ABCA3: variants seen among roughly 807,000 people sequenced by gnomAD.
ABCA3 encodes ATP binding cassette subfamily A member 3.
A neutral mutation model predicts 172.8 loss-of-function variants in ABCA3; 88 were observed. The ratio of observed to expected loss-of-function variants is 0.51; its 90% CI spans 0.43 to 0.61. The LOEUF (loss-of-function observed/expected upper bound fraction) is 0.61, where lower values mean the gene tolerates loss of function less well. Ranked by LOEUF, ABCA3 falls within the 20% of genes least tolerant of loss-of-function variation. ABCA3 has a pLI of 0.00. For synonymous variants in ABCA3, 1,066 were observed against 983.8 expected (o/e 1.08, Z -1.56); for missense variants, 2,164 against 2,301.0 (o/e 0.94, Z 1.22).
chr16:2,300,349 C>T (rs1231349137), intron 12 of ABCA3, among the ~76,000 whole-genome samples: 1 of 151,994 alleles, frequency 6.6e-6, no homozygotes, highest in Non-Finnish European at 1.5e-5. Flanking sequence ...CCTCAGTTTC[C>T]TAACCTGGTA....
rs773167516 is a variant in ABCA3, at chr16:2,317,275, G to T, written c.1111+8C>A. On this transcript the variant is annotated splice_region_variant and intron_variant, in intron 10 of 32. Transcript: ENST00000301732. ...GCAACCCCACTCTGCCCCATGACTG[G>T]GGCTCACCTTTGCTGAAGAAGGTGC... 3 of 1,613,850 alleles carry T rather than the reference G, an allele frequency of 1.9e-6. No individual in the cohort carries two copies. Among genetic ancestry groups the T allele is most frequent in the South Asian group, 2.2e-5 (2 of 91,054 alleles).
intron 1 of ABCA3, among the ~76,000 whole-genome samples, chr16:2,335,380 T>C (rs973401134): frequency 6.6e-6 from 1 of 151,770 alleles, no homozygotes; most frequent in Non-Finnish European, 1.5e-5. Context: ...AATGCAGTGG[T>C]GTGATCCTCC....
chr16:2,326,392 C>T, intron 4 of ABCA3, 21 bp downstream of exon 4: 2 of 1,612,742 alleles, frequency 1.2e-6, no homozygotes, highest in African/African-American at 2.7e-5. Context: ...CAGCTGACCT[C>T]CCTCCAGAGT....
chr16:2,332,695 G>A (rs1341768595), intron 1 of ABCA3: 10 of 1,565,862 alleles, frequency 6.4e-6, no homozygotes, highest in Non-Finnish European at 8.7e-6. Flanking sequence ...TGCCACAGCT[G>A]TGGCTGTCTT....
chr16:2,309,783 C>G (rs1276125200), intron 10 of ABCA3, among the ~76,000 whole-genome samples: 1 of 152,108 alleles, frequency 6.6e-6, no homozygotes, highest in African/African-American at 2.4e-5. Flanking sequence ...CCATGCCTAG[C>G]TAATTTTTAA....
At position 2,288,206 on chromosome 16, in the gene ABCA3, G is replaced by A. The variant is rs2093666110; in HGVS notation, c.2824C>T (p.Leu942=). The change falls in exon 21 of 33, where the codon CTG becomes TTG. Residue 942 remains leucine, a synonymous_variant. Coordinates refer to ENST00000301732, the MANE Select transcript of ABCA3 (RefSeq NM_001089.3). ...VPLTCVTLAL[L]AINYSSELFD... The stretch of plus-strand genomic sequence containing the variant: ...AGCTCCGAGGAGTAGTTGATGGCCA[G>A]GAGGGCCAGGGTGACGCAGGTCAGA... The A allele has an allele frequency of 1.9e-6, 3 of 1,600,904 alleles. No individual in the cohort carries two copies. The highest frequency in any genetic ancestry group is 2.7e-5 in the African/African-American group (2 of 74,818).
rs139975191 is a variant in ABCA3 at position 2,281,426 on chromosome 16, C to G, written c.4119G>C (p.Pro1373=). ...TCAGAGGTGTGTGGAGCAGGGAGTC[C>G]GGACTGGGGGCCAGGATGCGGGTCC... ...DERTRILAPS[P]DSLLHTPLII... Residue 1373 remains proline (P), a synonymous_variant, in exon 27 of 33, where the codon CCG becomes CCC. Coordinates refer to ENST00000301732, the MANE Select transcript of ABCA3 (RefSeq NM_001089.3). This position sits in a 1 kb window ranked among gnomAD's most constrained non-coding sequence, Gnocchi z 4.7. The G allele has an allele frequency of 1.2e-6, 2 of 1,613,722 alleles. No individual in the cohort carries two copies. Among genetic ancestry groups the G allele is most frequent in the East Asian group, 4.5e-5 (2 of 44,890 alleles).
intron 17 of ABCA3, among the ~76,000 whole-genome samples, chr16:2,296,365 G>C (rs1189764133): frequency 6.6e-6 from 1 of 152,030 alleles, no homozygotes; most frequent in East Asian, 1.9e-4. Flanking sequence ...TCCCCAAGTA[G>C]CTGGGATTAC....
At chr16:2,334,337 T>C (rs1404003976) in intron 1 of ABCA3, among the ~76,000 whole-genome samples, 2 of 152,082 alleles carry the variant, frequency 1.3e-5, no homozygotes, top group South Asian at 2.1e-4. Context: ...GCGCTGGATG[T>C]TGCACCAAGA....
In ABCA3 at chr16:2,284,438, C is replaced by A; in HGVS notation, c.3704-1G>T. On this transcript the variant is annotated splice_acceptor_variant, in intron 24 of 32. Transcript: ENST00000301732. LOFTEE classifies it high-confidence loss of function. The surrounding 1 kb of genome is among the most constrained non-coding windows in gnomAD (Gnocchi z 5.9). ...TTGGAAAGTTCTTCCAGTTTTACAG[C>A]TGCGTTGGGGAGGTAAGATCAGTCT... 1 of 1,613,724 alleles carries A rather than the reference C, an allele frequency of 6.2e-7. No individual in the cohort carries two copies. Among genetic ancestry groups the A allele is most frequent in the Non-Finnish European group, 8.5e-7 (1 of 1,179,990 alleles).
rs117515055 is a variant in ABCA3, at chr16:2,326,116, G to A, written c.213C>T (p.Phe71=). The A allele has an allele frequency of 1.1e-3, 1,715 of 1,614,172 alleles. 26 individuals are homozygous for A. The East Asian group carries it at 0.033, about 31-fold the overall frequency. ...GCTCCCAGGTGTCTCCTGGCGGAGGGAAGGTGAAGAACAGAGGCAGCTCCT... is the reference window on the plus strand; with the variant it reads ...GCTCCCAGGTGTCTCCTGGCGGAGGAAAGGTGAAGAACAGAGGCAGCTCCT... ...SIQELPLFFT[F]PPPGDTWELA... The change falls in exon 5 of 33, where the codon TTC becomes TTT. Residue 71 remains phenylalanine (F), a synonymous_variant. Transcript: ENST00000301732.
intron 10 of ABCA3, among the ~76,000 whole-genome samples, chr16:2,314,350 A>C (rs142890029): frequency 6.6e-6 from 1 of 152,232 alleles, no homozygotes; most frequent in East Asian, 1.9e-4. Flanking sequence ...ATGCTCAGTG[A>C]AATAAGCCAG....
chr16:2,289,662 C>T (rs965847928), intron 19 of ABCA3, 42 bp from the exon 20 acceptor site: 10 of 1,539,252 alleles, frequency 6.5e-6, no homozygotes, highest in East Asian at 4.9e-5. Flanking sequence ...CCCAGCTCCC[C>T]GGGTGGGTGG....
At chr16:2,337,443 T>A (rs1012570322) in intron 1 of ABCA3, among the ~76,000 whole-genome samples, 1 of 151,372 alleles carries the variant, frequency 6.6e-6, no homozygotes, top group Non-Finnish European at 1.5e-5. Context: ...GGTGTGATCA[T>A]GGCTCACTGT....
At chr16:2,294,015 T>G (rs1203413560) in intron 18 of ABCA3, among the ~76,000 whole-genome samples, 1 of 151,374 alleles carries the variant, frequency 6.6e-6, no homozygotes, top group Non-Finnish European at 1.5e-5. Context: ...TTTCTTTTTT[T>G]TTTTTTGAGA....
At chr16:2,338,751 C>CTTTTTTTTT (rs34719364) in intron 1 of ABCA3, among the ~76,000 whole-genome samples, 1 of 121,600 alleles carries the variant, frequency 8.2e-6, no homozygotes, top group African/African-American at 3.5e-5. Flanking sequence ...TCCAATTCAT[C>CTTTTTTTTT]TTTTTTTTTT....
Position 2,278,182 on chromosome 16 carries a change from C to A in ABCA3, c.4718+106G>T. 1 of 1,595,848 alleles carries A rather than the reference C, an allele frequency of 6.3e-7. No homozygotes were observed. The highest frequency in any genetic ancestry group is 1.1e-5 in the South Asian group (1 of 90,746). On this transcript the variant is annotated intron_variant, in intron 30 of 32. Transcript: ENST00000301732. The surrounding 1 kb of genome is among the most constrained non-coding windows in gnomAD (Gnocchi z 4.4). ...CCTGATACCCATGCTCAGTGTGGCTCACGGGCAGACTCTGCACCAGATGCT... is the reference window on the plus strand; with the variant it reads ...CCTGATACCCATGCTCAGTGTGGCTAACGGGCAGACTCTGCACCAGATGCT...
intron 10 of ABCA3, among the ~76,000 whole-genome samples, chr16:2,310,918 A>C (rs1039587023): frequency 1.3e-5 from 2 of 152,106 alleles, no homozygotes; most frequent in Non-Finnish European, 2.9e-5. Flanking sequence ...TGTCTGACTT[A>C]GCAGATTACA....
chr16:2,284,924 C>G lies in ABCA3; in HGVS notation c.3558G>C (p.Leu1186=). The change falls in exon 24 of 33, where the codon CTG becomes CTC. Residue 1186 remains leucine, a synonymous_variant. Coordinates refer to ENST00000301732, the MANE Select transcript of ABCA3 (RefSeq NM_001089.3). The surrounding 1 kb of genome is among the most constrained non-coding windows in gnomAD (Gnocchi z 5.9). ...GGGGGATGATGGCCCAGCCGTAGAG[C>G]AGGAGCAGCAGCAGGGTGTCAGCCA... ...GHMADTLLLL[L]LYGWAIIPLM... The G allele has an allele frequency of 2.5e-6, 4 of 1,613,946 alleles. No individual in the cohort carries two copies. Among genetic ancestry groups the G allele is most frequent in the Non-Finnish European group, 3.4e-6 (4 of 1,180,000 alleles).
Sources: allele counts gnomAD v4.1 joint callset (sites outside exome capture counted in the v4.1 genomes callset), GRCh38; gene constraint gnomAD v4.1.1; non-coding constraint Gnocchi (gnomAD v3.1); transcripts MANE v1.5; gene names NCBI Gene and HGNC (gene_info 2026-07-23, HGNC 2026-07-21).